Variants in ITPR1 observed in about 807,000 individuals in gnomAD.
ITPR1 encodes inositol 1,4,5-trisphosphate receptor type 1.
In ITPR1, 96 loss-of-function variants were observed where a neutral mutation model predicts 318.4. The observed-to-expected ratio is 0.30, with a 90% CI of 0.26 to 0.36. The LOEUF (loss-of-function observed/expected upper bound fraction) is 0.36, where lower values mean the gene tolerates loss of function less well. ITPR1 is among the 10% of genes least tolerant of loss of function. The pLI is 1.00. For missense variants in ITPR1, 2,440 were observed against 3,460.2 expected (o/e 0.71, Z 7.40); for synonymous variants, 1,312 against 1,289.9 (o/e 1.02, Z -0.37).
At chr3:4,757,941 A>G (rs935891479) in intron 44 of ITPR1, among the ~76,000 whole-genome samples, 18 of 152,132 alleles carry the variant, frequency 1.2e-4, no homozygotes, top group African/African-American at 4.1e-4. Flanking sequence ...GGAGTGGGTT[A>G]GTCTGGTGGG....
intron 44 of ITPR1, among the ~76,000 whole-genome samples, chr3:4,752,270 G>A (rs887737857): frequency 6.6e-6 from 1 of 152,216 alleles, no homozygotes; most frequent in African/African-American, 2.4e-5. Flanking sequence ...CCCAGAGCTT[G>A]TAGCTATCAA....
At chr3:4,789,143 C>T (rs998271952) in intron 52 of ITPR1, among the ~76,000 whole-genome samples, 1 of 152,188 alleles carries the variant, frequency 6.6e-6, no homozygotes, top group Non-Finnish European at 1.5e-5. Flanking sequence ...TACTCTTGCT[C>T]GTCTCTAAGG....
intron 4 of ITPR1, among the ~76,000 whole-genome samples, chr3:4,572,633 G>A (rs2088146531): frequency 6.6e-6 from 1 of 152,164 alleles, no homozygotes; most frequent in Non-Finnish European, 1.5e-5. Flanking sequence ...CCATTTTTAA[G>A]TGTAAAGTTC....
chr3:4,700,611 A>G (rs2094632808), intron 35 of ITPR1, among the ~76,000 whole-genome samples: 1 of 152,084 alleles, frequency 6.6e-6, no homozygotes, highest in African/African-American at 2.4e-5. Context: ...GCGATTTGGG[A>G]CCTCAGGAAT....
chr3:4,834,621 T>C (rs931457047), intron 60 of ITPR1, among the ~76,000 whole-genome samples: 1 of 152,124 alleles, frequency 6.6e-6, no homozygotes, highest in Admixed American at 6.5e-5. Flanking sequence ...TCCTCAGAGT[T>C]GCATAGTCCT....
intron 47 of ITPR1, among the ~76,000 whole-genome samples, chr3:4,776,455 C>A (rs2046492814): frequency 1.3e-5 from 2 of 152,182 alleles, no homozygotes; most frequent in Non-Finnish European, 2.9e-5. Flanking sequence ...CTAAACCCAG[C>A]AGCCAGGGAA....
chr3:4,715,574 C>T (rs906620119), intron 39 of ITPR1, among the ~76,000 whole-genome samples: 10 of 152,260 alleles, frequency 6.6e-5, no homozygotes, highest in African/African-American at 2.2e-4. Flanking sequence ...CTATCATGGC[C>T]GGATATGGTG....
In ITPR1 at chr3:4,658,181, G is replaced by A. The variant is rs775122266; in HGVS notation, c.1054G>A (p.Val352Ile). The change falls in exon 13 of 62, where the codon GTA (valine) becomes ATA (isoleucine). Residue 352 changes from valine (V) to isoleucine (I), a missense_variant. This residue lies in a region of ITPR1 where 101 missense variants were observed against 119.6 expected (regional missense o/e 0.84). Transcript: ENST00000649015. ...GTTGCGGAATGCCCAAGAAAAGATG[G>A]TATACTCCCTGGTCTCTGTGCCTGA... ...SRLRNAQEKM[V>I]YSLVSVPEGN... The A allele has an allele frequency of 1.2e-6, 2 of 1,613,612 alleles. No homozygotes were observed. Among genetic ancestry groups the A allele is most frequent in the South Asian group, 1.1e-5 (1 of 91,042 alleles).
At position 4,737,144 on chromosome 3, in the gene ITPR1, A is replaced by G. The variant is rs527542907; in HGVS notation, c.5544+1790A>G. Among the ~76,000 whole-genome samples the G allele has an allele frequency of 3.2e-3, 484 of 152,176 alleles. 1 individual carries two copies. Among genetic ancestry groups the G allele is most frequent in the Non-Finnish European group, 4.6e-3 (310 of 68,002 alleles). On this transcript the variant is annotated intron_variant, in intron 44 of 61. Transcript: ENST00000649015. ...GGCCAAATTAGAAGTTGGAAACCCT[A>G]GGTTGTTATTCCTTCCCTTCCCCAA...
At chr3:4,819,831 C>T (rs2049565872) in intron 60 of ITPR1, among the ~76,000 whole-genome samples, 1 of 152,170 alleles carries the variant, frequency 6.6e-6, no homozygotes, top group Admixed American at 6.5e-5. Context: ...TCAGCACAGA[C>T]TGGGGAGAAA....
intron 4 of ITPR1, among the ~76,000 whole-genome samples, chr3:4,614,809 G>A (rs904153247): frequency 3.3e-5 from 5 of 152,192 alleles, no homozygotes; most frequent in Admixed American, 1.3e-4. Flanking sequence ...AAACAGGGTT[G>A]TTGGAAACCT....
intron 43 of ITPR1, 74 bp from the exon 44 acceptor site, chr3:4,735,090 G>T: frequency 8.8e-7 from 1 of 1,139,154 alleles, no homozygotes; most frequent in Non-Finnish European, 1.3e-6. Context: ...ATAAAGTGTT[G>T]GTGCGTAGTA....
At chr3:4,612,698 C>T (rs1482218895) in intron 4 of ITPR1, among the ~76,000 whole-genome samples, 1 of 151,884 alleles carries the variant, frequency 6.6e-6, no homozygotes, top group African/African-American at 2.4e-5. Context: ...ACCAGCCTGG[C>T]CAACGTGGCG....
chr3:4,616,535 C>T (rs1458354126), intron 4 of ITPR1, among the ~76,000 whole-genome samples: 1 of 152,184 alleles, frequency 6.6e-6, no homozygotes, highest in East Asian at 1.9e-4. Flanking sequence ...TTCATATTCA[C>T]TGCTTGTGTA....
In ITPR1 at chr3:4,710,302, C is replaced by A; in HGVS notation, c.4843-23C>A. ...GGTCAGCGTCTGCCTGAGCCGTTGA[C>A]TGAGGCTGTGTTTCCGTTTTAGGAC... On this transcript the variant is annotated intron_variant, in intron 37 of 61. Coordinates refer to ENST00000649015, the MANE Select transcript of ITPR1 (RefSeq NM_001378452.1). This position sits in a 1 kb window ranked among gnomAD's most constrained non-coding sequence, Gnocchi z 4.2. The A allele has an allele frequency of 6.6e-7, 1 of 1,525,242 alleles. No individual in the cohort carries two copies. The highest frequency in any genetic ancestry group is 1.2e-5 in the South Asian group (1 of 81,446). The allele number at this position is 1,525,242 out of a possible 1,614,324, so 94.5% of individuals were successfully genotyped here. A position where few individuals can be genotyped will look rare whatever the true frequency, so the allele number is the denominator to read the frequency against.
At chr3:4,644,964 A>G (rs183865998) in intron 8 of ITPR1, among the ~76,000 whole-genome samples, 2 of 152,368 alleles carry the variant, frequency 1.3e-5, no homozygotes, top group Admixed American at 1.3e-4. Flanking sequence ...GTGCACAAAC[A>G]ATGGCTGCTG....
chr3:4,631,261 A>T lies in ITPR1; in HGVS notation c.279+3383A>T, dbSNP rs116104740. On this transcript the variant is annotated intron_variant, in intron 5 of 61. Transcript: ENST00000649015. ...TGGTCATGGTATTTCAGATGACTGC[A>T]GTATGAGCTTGGTGCACACAATCAC... is the stretch of plus-strand genomic sequence containing the variant. Among the ~76,000 whole-genome samples the T allele has an allele frequency of 9.8e-3, 1,485 of 152,278 alleles. 31 individuals are homozygous for T. Among genetic ancestry groups the T allele is most frequent in the African/African-American group, 0.034 (1,394 of 41,508 alleles).
intron 5 of ITPR1, among the ~76,000 whole-genome samples, chr3:4,631,754 A>G (rs1339936130): frequency 1.3e-5 from 2 of 152,196 alleles, no homozygotes; most frequent in African/African-American, 4.8e-5. Context: ...TATTAATAAA[A>G]CCATGGAAAG....
chr3:4,842,373 T>C (rs2051411857), intron 61 of ITPR1, among the ~76,000 whole-genome samples: 1 of 152,192 alleles, frequency 6.6e-6, no homozygotes, highest in Non-Finnish European at 1.5e-5. Flanking sequence ...GTTTTTTGCT[T>C]TGTTTTGTTT....
Sources: allele counts gnomAD v4.1 joint callset (sites outside exome capture counted in the v4.1 genomes callset), GRCh38; gene constraint gnomAD v4.1.1; regional missense constraint gnomAD v4.1.1; non-coding constraint Gnocchi (gnomAD v3.1); transcripts MANE v1.5; gene names NCBI Gene and HGNC (gene_info 2026-07-23, HGNC 2026-07-21).